CDK5R1: variants seen among roughly 807,000 people sequenced by gnomAD.
The protein encoded by CDK5R1 is cyclin dependent kinase 5 regulatory subunit 1, also known as cyclin-dependent kinase 5 activator 1.
In CDK5R1, 1 loss-of-function variant was observed where a neutral mutation model predicts 19.0. The observed-to-expected ratio is 0.05, with a 90% confidence interval of 0.02 to 0.25. The LOEUF is 0.25. Ranked by LOEUF, CDK5R1 falls within the 10% of genes least tolerant of loss-of-function variation. CDK5R1 has a pLI of 1.00. For missense variants in CDK5R1, 314 were observed against 401.0 expected, an observed-to-expected ratio of 0.78 and a Z score of 1.85; for synonymous variants, 225 against 187.7, an observed-to-expected ratio of 1.20 and a Z score of -1.62.
In CDK5R1 at chr17:32,488,945, T is replaced by C; in HGVS notation, c.*401T>C. The C allele has an allele frequency of 2.7e-6, 1 of 371,546 alleles. No homozygotes were observed. Among genetic ancestry groups the C allele is most frequent in the South Asian group, 2.2e-5 (1 of 46,102 alleles). 23.0% of individuals were successfully genotyped at this position (371,546 alleles called of 1,614,324 possible). A position where few individuals can be genotyped will look rare whatever the true frequency, so the allele number is the denominator to read the frequency against. ...TGGTTGGAGGCCCTTTTCTGGCTCCTGTGTGGAGTTATTCACTCTCCCAGA... is the reference window on the plus strand; with the variant it reads ...TGGTTGGAGGCCCTTTTCTGGCTCCCGTGTGGAGTTATTCACTCTCCCAGA... On this transcript the variant is annotated 3_prime_UTR_variant, in exon 2 of 2. Transcript: ENST00000313401.
rs1351587305 is a variant in CDK5R1 at position 32,490,651 on chromosome 17, GACT to G, written c.*2111_*2113del. ...AACCCATTTGCCATGCTGCTATGAAGACTACTTTTAGATCAACAATAAAAAAAA... is the reference window on the plus strand; with the variant it reads ...AACCCATTTGCCATGCTGCTATGAAGACTTTTAGATCAACAATAAAAAAAA... On this transcript the variant is annotated 3_prime_UTR_variant, in exon 2 of 2. Transcript: ENST00000313401. 1 of 166,928 alleles carries G rather than the reference GACT, an allele frequency of 6.0e-6. No homozygotes were observed. Among genetic ancestry groups the G allele is most frequent in the Non-Finnish European group, 1.5e-5 (1 of 68,100 alleles). 10.3% of individuals were successfully genotyped at this position (166,928 alleles called of 1,614,324 possible). A position where few individuals can be genotyped will look rare whatever the true frequency, so the allele number is the denominator to read the frequency against.
rs758199380 is a variant in CDK5R1 at position 32,488,456 on chromosome 17, C to T, written c.836C>T (p.Pro279Leu). ...AAGATGCTGCAGATAAATGCCGACC[C>T]ACACTACTTCACACAGGTCTTCTCC... is the stretch of plus-strand genomic sequence containing the variant. ...SSKMLQINADPHYFTQVFSDL... is the reference protein window; with the variant it reads ...SSKMLQINADLHYFTQVFSDL... The change falls in exon 2 of 2, where the codon CCA (proline) becomes CTA (leucine). Residue 279 changes from proline (P) to leucine (L), a missense_variant. Coordinates refer to ENST00000313401, the MANE Select transcript of CDK5R1 (RefSeq NM_003885.3). The T allele has an allele frequency of 6.2e-7, 1 of 1,614,168 alleles. No homozygotes were observed. The highest frequency in any genetic ancestry group is 8.5e-7 in the Non-Finnish European group (1 of 1,180,032).
Position 32,489,444 on chromosome 17 carries a change from C to T in CDK5R1, c.*900C>T, listed in dbSNP as rs1047937665. The T allele has an allele frequency of 7.7e-6, 3 of 387,402 alleles. No homozygotes were observed. Among genetic ancestry groups the T allele is most frequent in the Non-Finnish European group, 1.6e-5 (3 of 186,060 alleles). The allele number at this position is 387,402 out of a possible 1,614,324, so 24.0% of individuals were successfully genotyped here. Reference sequence around the variant, plus strand: ...GCCATACCTTGAGACCAAGCCGGTGCCCACCTAAGGGCTAAGGCCTCTTGC... The same window carrying T: ...GCCATACCTTGAGACCAAGCCGGTGTCCACCTAAGGGCTAAGGCCTCTTGC... On this transcript the variant is annotated 3_prime_UTR_variant, in exon 2 of 2. Transcript: ENST00000313401.
Position 32,488,035 on chromosome 17 carries a change from C to G in CDK5R1, c.415C>G (p.Pro139Ala). The G allele has an allele frequency of 6.2e-7, 1 of 1,612,570 alleles. No individual in the cohort carries two copies. Among genetic ancestry groups the G allele is most frequent in the Non-Finnish European group, 8.5e-7 (1 of 1,179,310 alleles). The change falls in exon 2 of 2, where the codon CCC becomes GCC. Residue 139 changes from proline (P) to alanine (A), a missense_variant. Physicochemically the swap from Pro to Ala is conservative, Grantham distance 27 (BLOSUM62 -1). Around this residue, in one of 3 missense-constraint regions of CDK5R1, gnomAD observed 197 missense variants for 230.2 expected, o/e 0.86. Transcript: ENST00000313401. ...CCCTGCCGTCACCTCCGCAGGGACG[C>G]CCAAACGGGTCATCGTCCAGGCGTC... ...PHPAVTSAGT[P>A]KRVIVQASTS... is the part of the protein sequence containing the mutation.
In CDK5R1 at chr17:32,488,940, G is replaced by T; in HGVS notation, c.*396G>T. The stretch of plus-strand genomic sequence containing the variant: ...GTTTCTGGTTGGAGGCCCTTTTCTG[G>T]CTCCTGTGTGGAGTTATTCACTCTC... On this transcript the variant is annotated 3_prime_UTR_variant, in exon 2 of 2. Coordinates refer to ENST00000313401, the MANE Select transcript of CDK5R1 (RefSeq NM_003885.3). The T allele has an allele frequency of 2.7e-6, 1 of 370,652 alleles. No homozygotes were observed. The highest frequency in any genetic ancestry group is 7.4e-5 in the East Asian group (1 of 13,550). The allele number at this position is 370,652 out of a possible 1,614,324, so 23.0% of individuals were successfully genotyped here.
chr17:32,487,997 A>C lies in CDK5R1; in HGVS notation c.377A>C (p.Lys126Thr). The change falls in exon 2 of 2, where the codon AAG becomes ACG. Residue 126 changes from lysine to threonine, a missense_variant. Transcript: ENST00000313401. The surrounding 1 kb of genome is among the most constrained non-coding windows in gnomAD (Gnocchi z 7.9). ...GSQTGGSSSVKKAPHPAVTSA... is the reference protein window; with the variant it reads ...GSQTGGSSSVTKAPHPAVTSA... ...CAGACCGGGGGCTCCTCCTCAGTCA[A>C]GAAAGCCCCTCACCCTGCCGTCACC... The C allele has an allele frequency of 6.2e-7, 1 of 1,613,112 alleles. No individual in the cohort carries two copies. Among genetic ancestry groups the C allele is most frequent in the East Asian group, 2.2e-5 (1 of 44,860 alleles).
At position 32,488,219 on chromosome 17, in the gene CDK5R1, A is replaced by G. The variant is rs1908747489; in HGVS notation, c.599A>G (p.Asn200Ser). The change falls in exon 2 of 2, where the codon AAC becomes AGC. Residue 200 changes from asparagine to serine, a missense_variant. By Grantham distance (46) the Asn-to-Ser change is conservative. Around this residue, in one of 3 missense-constraint regions of CDK5R1, gnomAD observed 11 missense variants for 38.8 expected, o/e 0.28. Transcript: ENST00000313401. The part of the protein sequence containing the change: ...WQDQGFITPA[N>S]VVFLYMLCRD... ...GACCAGGGCTTCATCACGCCGGCCA[A>G]CGTGGTCTTCCTCTACATGCTCTGC... is the stretch of plus-strand genomic sequence containing the variant. 1 of 1,613,814 alleles carries G rather than the reference A, an allele frequency of 6.2e-7. No homozygotes were observed.
rs1024401678 is a variant in CDK5R1, at chr17:32,487,013, C to T, written c.-295C>T. On this transcript the variant is annotated 5_prime_UTR_variant, in exon 1 of 2. Coordinates refer to ENST00000313401, the MANE Select transcript of CDK5R1 (RefSeq NM_003885.3). This position sits in a 1 kb window ranked among gnomAD's most constrained non-coding sequence, Gnocchi z 7.9. ...TGGACAGAAGCTCCCTAGCTGCCGC[C>T]GCCGCCGCCGCCGCCGTCGCCGCCG... The T allele has an allele frequency of 6.5e-6, 1 of 152,920 alleles. No homozygotes were observed. The highest frequency in any genetic ancestry group is 6.8e-5 in the Admixed American group (1 of 14,676). The allele number at this position is 152,920 out of a possible 1,614,324, so 9.5% of individuals were successfully genotyped here.
chr17:32,487,633 C>G lies in CDK5R1; in HGVS notation c.13C>G (p.Leu5Val). The stretch of plus-strand genomic sequence containing the variant: ...GCGCAGCAGCACCATGGGCACGGTG[C>G]TGTCCCTGTCTCCCAGCTACCGGAA... MGTVLSLSPSYRKAT... is the reference protein window; with the variant it reads MGTVVSLSPSYRKAT... The change falls in exon 2 of 2, where the codon CTG becomes GTG. Residue 5 changes from leucine (L) to valine (V), a missense_variant. Physicochemically the swap from Leu to Val is conservative, Grantham distance 32. This residue lies in a region of CDK5R1 where 197 missense variants were observed against 230.2 expected (regional missense o/e 0.86). Coordinates refer to ENST00000313401, the MANE Select transcript of CDK5R1 (RefSeq NM_003885.3). This position sits in a 1 kb window ranked among gnomAD's most constrained non-coding sequence, Gnocchi z 7.9. The G allele has an allele frequency of 6.2e-7, 1 of 1,612,868 alleles. No homozygotes were observed. The highest frequency in any genetic ancestry group is 8.5e-7 in the Non-Finnish European group (1 of 1,179,842).
Position 32,488,230 on chromosome 17 carries a change from C to T in CDK5R1, c.610C>T (p.Leu204Phe), listed in dbSNP as rs1215616776. ...CATCACGCCGGCCAACGTGGTCTTC[C>T]TCTACATGCTCTGCAGGGATGTTAT... ...GFITPANVVF[L>F]YMLCRDVISS... Residue 204 changes from leucine to phenylalanine, a missense_variant, in exon 2 of 2, where the codon CTC becomes TTC. By Grantham distance (22) the Leu-to-Phe change is conservative. Around this residue, in one of 3 missense-constraint regions of CDK5R1, gnomAD observed 106 missense variants for 132.1 expected, o/e 0.80. Transcript: ENST00000313401. 1.9e-6 allele frequency: 3 copies of T among 1,613,908 alleles called. No individual in the cohort carries two copies. Among genetic ancestry groups the T allele is most frequent in the South Asian group, 2.2e-5 (2 of 91,092 alleles).
Position 32,488,455 on chromosome 17 carries a change from C to T in CDK5R1, c.835C>T (p.Pro279Ser). Reference sequence around the variant, plus strand: ...AAAGATGCTGCAGATAAATGCCGACCCACACTACTTCACACAGGTCTTCTC... The same window carrying T: ...AAAGATGCTGCAGATAAATGCCGACTCACACTACTTCACACAGGTCTTCTC... ...SSKMLQINAD[P>S]HYFTQVFSDL... The change falls in exon 2 of 2, where the codon CCA becomes TCA. Residue 279 changes from proline to serine, a missense_variant. Coordinates refer to ENST00000313401, the MANE Select transcript of CDK5R1 (RefSeq NM_003885.3). 1 of 1,614,166 alleles carries T rather than the reference C, an allele frequency of 6.2e-7. No individual in the cohort carries two copies. Among genetic ancestry groups the T allele is most frequent in the Non-Finnish European group, 8.5e-7 (1 of 1,180,032 alleles).
Position 32,488,146 on chromosome 17 carries a change from C to T in CDK5R1, c.526C>T (p.Leu176Phe), listed in dbSNP as rs759967348. The T allele has an allele frequency of 1.9e-6, 3 of 1,613,564 alleles. No individual in the cohort carries two copies. The highest frequency in any genetic ancestry group is 1.1e-5 in the South Asian group (1 of 91,082). Residue 176 changes from leucine (L) to phenylalanine (F), a missense_variant, in exon 2 of 2, where the codon CTC (leucine) becomes TTC (phenylalanine). Transcript: ENST00000313401. ...LKHLSPTDPV[L>F]WLRSVDRSLL... ...GCACCTGTCCCCCACGGACCCCGTG[C>T]TCTGGCTGCGCAGCGTGGACCGCTC...
At position 32,487,446 on chromosome 17, in the gene CDK5R1, C is replaced by T; in HGVS notation, c.-145-30C>T. 1 of 529,884 alleles carries T rather than the reference C, an allele frequency of 1.9e-6. No individual in the cohort carries two copies. The highest frequency in any genetic ancestry group is 2.5e-5 in the South Asian group (1 of 39,522). The allele number at this position is 529,884 out of a possible 1,614,324, so 32.8% of individuals were successfully genotyped here. A position where few individuals can be genotyped will look rare whatever the true frequency, so the allele number is the denominator to read the frequency against. On this transcript the variant is annotated intron_variant, in intron 1 of 1. Transcript: ENST00000313401. This position sits in a 1 kb window ranked among gnomAD's most constrained non-coding sequence, Gnocchi z 7.9. ...CGCAGGGGCGCGGCGCGGAGCCCAG[C>T]CTGGCGCTAAGAACCATCTTGTTTT...
chr17:32,490,805 G>C lies in CDK5R1; in HGVS notation c.*2261G>C, dbSNP rs946992400. 29 of 167,044 alleles carry C rather than the reference G, an allele frequency of 1.7e-4. No individual in the cohort carries two copies. In the Admixed American group the frequency reaches 1.9e-3, roughly 11 times the overall value. The allele number at this position is 167,044 out of a possible 1,614,324, so 10.3% of individuals were successfully genotyped here. Reference sequence around the variant, plus strand: ...AGATGGCTGTGAAAATTACACCCATGCACAGAACAAGCCACAGGAATAATA... The same window carrying C: ...AGATGGCTGTGAAAATTACACCCATCCACAGAACAAGCCACAGGAATAATA... On this transcript the variant is annotated 3_prime_UTR_variant, in exon 2 of 2. Transcript: ENST00000313401.
At position 32,487,994 on chromosome 17, in the gene CDK5R1, T is replaced by C. The variant is rs771659462; in HGVS notation, c.374T>C (p.Val125Ala). 6 of 1,613,036 alleles carry C rather than the reference T, an allele frequency of 3.7e-6. No individual in the cohort carries two copies. Among genetic ancestry groups the C allele is most frequent in the Non-Finnish European group, 5.1e-6 (6 of 1,179,838 alleles). ...SGSQTGGSSS[V>A]KKAPHPAVTS... Reference sequence around the variant, plus strand: ...TCCCAGACCGGGGGCTCCTCCTCAGTCAAGAAAGCCCCTCACCCTGCCGTC... The same window carrying C: ...TCCCAGACCGGGGGCTCCTCCTCAGCCAAGAAAGCCCCTCACCCTGCCGTC... The change falls in exon 2 of 2, where the codon GTC becomes GCC. Residue 125 changes from valine to alanine, a missense_variant. By Grantham distance (64) the Val-to-Ala change is moderately conservative. Coordinates refer to ENST00000313401, the MANE Select transcript of CDK5R1 (RefSeq NM_003885.3). The surrounding 1 kb of genome is among the most constrained non-coding windows in gnomAD (Gnocchi z 7.9).
Position 32,488,607 on chromosome 17 carries a change from A to G in CDK5R1, c.*63A>G. The G allele has an allele frequency of 6.2e-7, 1 of 1,603,524 alleles. No individual in the cohort carries two copies. Among genetic ancestry groups the G allele is most frequent in the Non-Finnish European group, 8.5e-7 (1 of 1,175,486 alleles). On this transcript the variant is annotated 3_prime_UTR_variant, in exon 2 of 2. Transcript: ENST00000313401. ...ATTTTTAAGAATTTATTATTAAATCAGTTTTGTGTACAGTATGTGTCTAGC... is the reference window on the plus strand; with the variant it reads ...ATTTTTAAGAATTTATTATTAAATCGGTTTTGTGTACAGTATGTGTCTAGC...
At position 32,488,971 on chromosome 17, in the gene CDK5R1, G is replaced by A. The variant is rs1412405834; in HGVS notation, c.*427G>A. The A allele has an allele frequency of 2.7e-6, 1 of 371,182 alleles. No homozygotes were observed. Among genetic ancestry groups the A allele is most frequent in the Non-Finnish European group, 5.5e-6 (1 of 181,408 alleles). The allele number at this position is 371,182 out of a possible 1,614,324, so 23.0% of individuals were successfully genotyped here. On this transcript the variant is annotated 3_prime_UTR_variant, in exon 2 of 2. Transcript: ENST00000313401. ...GTGTGGAGTTATTCACTCTCCCAGA[G>A]GCTCCTGGAGCCAGCCACCCTAACT...
In CDK5R1 at chr17:32,487,927, C is replaced by A; in HGVS notation, c.307C>A (p.Pro103Thr). 6.2e-7 allele frequency: 1 copy of A among 1,613,546 alleles called. No homozygotes were observed. Among genetic ancestry groups the A allele is most frequent in the Non-Finnish European group, 8.5e-7 (1 of 1,180,008 alleles). The change falls in exon 2 of 2, where the codon CCG becomes ACG. Residue 103 changes from proline (P) to threonine (T), a missense_variant. This residue lies in a region of CDK5R1 where 197 missense variants were observed against 230.2 expected (regional missense o/e 0.86). Transcript: ENST00000313401. The surrounding 1 kb of genome is among the most constrained non-coding windows in gnomAD (Gnocchi z 7.9). ...CCTGTCCACATTCGCCCAGCCCCCA[C>A]CGGCCCAGCCGCCTGCACCCCCGGC... ...ANLSTFAQPP[P>T]AQPPAPPASQ...
Position 32,488,439 on chromosome 17 carries a change from G to T in CDK5R1, c.819G>T (p.Leu273=). The T allele has an allele frequency of 6.2e-7, 1 of 1,614,108 alleles. No individual in the cohort carries two copies. Among genetic ancestry groups the T allele is most frequent in the Admixed American group, 1.7e-5 (1 of 60,006 alleles). The change falls in exon 2 of 2, where the codon CTG becomes CTT. Residue 273 remains leucine (L), a synonymous_variant. Coordinates refer to ENST00000313401, the MANE Select transcript of CDK5R1 (RefSeq NM_003885.3). Reference sequence around the variant, plus strand: ...TCAACCTCATGAGCTCAAAGATGCTGCAGATAAATGCCGACCCACACTACT... The same window carrying T: ...TCAACCTCATGAGCTCAAAGATGCTTCAGATAAATGCCGACCCACACTACT... The part of the protein sequence containing the change: ...SVINLMSSKM[L]QINADPHYFT...
Sources: gnomAD v4.1 joint callset for allele counts on GRCh38, gnomAD v4.1.1 for gene constraint, gnomAD v4.1.1 regional missense constraint, Gnocchi (gnomAD v3.1) non-coding constraint, MANE v1.5 for transcripts, NCBI Gene and HGNC (gene_info 2026-07-23, HGNC 2026-07-21) for gene names.